Variants in TBCK observed in about 807,000 individuals in gnomAD.
TBCK encodes TBC domain-containing protein kinase-like protein.
In TBCK, 99 loss-of-function variants were observed where a neutral mutation model predicts 113.4. The observed-to-expected ratio is 0.87, with a 90% CI of 0.74 to 1.03. The LOEUF (loss-of-function observed/expected upper bound fraction) is 1.03. TBCK is among the 50% of genes least tolerant of loss of function. TBCK has a pLI of 0.00. For synonymous variants in TBCK, 369 were observed against 370.8 expected (o/e 1.00, Z 0.05); for missense variants, 1,045 against 1,061.3 (o/e 0.98, Z 0.21).
At chr4:106,171,547 T>A (rs1751016252) in intron 22 of TBCK, among the ~76,000 whole-genome samples, 1 of 152,126 alleles carries the variant, frequency 6.6e-6, no homozygotes, top group Non-Finnish European at 1.5e-5. Context: ...CATATACATA[T>A]GTATATATTT....
At chr4:106,158,338 T>C (rs189731503) in intron 23 of TBCK, among the ~76,000 whole-genome samples, 10 of 152,142 alleles carry the variant, frequency 6.6e-5, no homozygotes, top group Admixed American at 5.9e-4. Context: ...AGGTCAGGAG[T>C]TCGAGACCAG....
At chr4:106,278,891 A>G (rs981994658) in intron 3 of TBCK, among the ~76,000 whole-genome samples, 2 of 152,028 alleles carry the variant, frequency 1.3e-5, no homozygotes, top group South Asian at 2.1e-4. Context: ...AATATAGCTA[A>G]GAAGAAAAGA....
intron 23 of TBCK, among the ~76,000 whole-genome samples, chr4:106,126,415 T>C (rs1012794835): frequency 2.0e-5 from 3 of 152,170 alleles, no homozygotes; most frequent in Admixed American, 6.5e-5. Context: ...AGGAATAAAA[T>C]AGTATTTCCA....
intron 20 of TBCK, among the ~76,000 whole-genome samples, chr4:106,203,681 G>T (rs1245145335): frequency 1.3e-5 from 2 of 150,302 alleles, no homozygotes; most frequent in African/African-American, 4.9e-5. Context: ...TAATTTAATG[G>T]TTCTGAGATC....
rs1317207342 is a variant in TBCK, at chr4:106,103,853, A to G, written c.2412-8212T>C. 4.6e-5 allele frequency among the ~76,000 whole-genome samples: 7 copies of G among 152,210 alleles called. 1 individual carries two copies. The highest frequency in any genetic ancestry group is 2.0e-4 in the Admixed American group (3 of 15,288). On this transcript the variant is annotated intron_variant, in intron 24 of 25. Coordinates refer to ENST00000394708, the MANE Select transcript of TBCK (RefSeq NM_001163435.3). Reference sequence around the variant, plus strand: ...AAGGAAACAACTTGACCTTTAGAGAATGAAGAAAAGTAAGACAGGACAACG... The same window carrying G: ...AAGGAAACAACTTGACCTTTAGAGAGTGAAGAAAAGTAAGACAGGACAACG...
At chr4:106,305,037 G>A (rs1345801273) in intron 2 of TBCK, among the ~76,000 whole-genome samples, 1 of 152,054 alleles carries the variant, frequency 6.6e-6, no homozygotes, top group East Asian at 1.9e-4. Flanking sequence ...TGAAATCTGT[G>A]CCTATAGATT....
At chr4:106,141,668 T>C (rs1296402434) in intron 23 of TBCK, among the ~76,000 whole-genome samples, 1 of 140,612 alleles carries the variant, frequency 7.1e-6, no homozygotes, top group Non-Finnish European at 1.6e-5. Context: ...CTAAAATATC[T>C]AGTAATAACC....
intron 2 of TBCK, among the ~76,000 whole-genome samples, chr4:106,306,564 T>C (rs1767551639): frequency 6.6e-6 from 1 of 152,150 alleles, no homozygotes; most frequent in South Asian, 2.1e-4. Context: ...TTACTCATTT[T>C]TGTATATTTG....
At chr4:106,144,805 C>T (rs1042874758) in intron 23 of TBCK, among the ~76,000 whole-genome samples, 9 of 149,340 alleles carry the variant, frequency 6.0e-5, no homozygotes, top group Non-Finnish European at 1.2e-4. Flanking sequence ...AGGTGGATCA[C>T]CTGAGGTTGG....
chr4:106,144,937 C>T lies in TBCK; in HGVS notation c.2235+26158G>A, dbSNP rs559668773. On this transcript the variant is annotated intron_variant, in intron 23 of 25. Transcript: ENST00000394708. ...ACTCAGGTGGCTGAGGCAGGAAAAT[C>T]GCTTGAACTGGGAGGCGGAGGTTGC... Among the ~76,000 whole-genome samples the T allele has an allele frequency of 4.6e-5, 7 of 150,764 alleles. No individual in the cohort carries two copies. The South Asian group carries it at 1.3e-3, about 28-fold the overall frequency.
chr4:106,054,725 T>A (rs190248863), intron 25 of TBCK, among the ~76,000 whole-genome samples: 2 of 151,836 alleles, frequency 1.3e-5, no homozygotes, highest in Admixed American at 1.3e-4. Context: ...TTTCTGAGCA[T>A]CTACTGTGTG....
chr4:106,181,081 C>G (rs185612811), intron 22 of TBCK, among the ~76,000 whole-genome samples: 4 of 152,126 alleles, frequency 2.6e-5, no homozygotes, highest in Non-Finnish European at 4.4e-5. Context: ...GTGAGATGGT[C>G]TCATTGTGGT....
At chr4:106,120,666 C>T (rs535746417) in intron 23 of TBCK, among the ~76,000 whole-genome samples, 1 of 152,284 alleles carries the variant, frequency 6.6e-6, no homozygotes, top group African/African-American at 2.4e-5. Flanking sequence ...CCCCTGACCC[C>T]CGAGCAGCCT....
chr4:106,310,940 T>C (rs955074320), intron 1 of TBCK, among the ~76,000 whole-genome samples: 1 of 151,866 alleles, frequency 6.6e-6, no homozygotes, highest in African/African-American at 2.4e-5. Context: ...GAAAAACACA[T>C]TATACAAAAG....
chr4:106,100,558 GA>G (rs1389275715), intron 24 of TBCK, among the ~76,000 whole-genome samples: 1 of 151,526 alleles, frequency 6.6e-6, no homozygotes, highest in Non-Finnish European at 1.5e-5. Flanking sequence ...TTTATGACAG[GA>G]TATGAATGAA....
At chr4:106,242,765 A>G (rs2150033820) in intron 11 of TBCK, among the ~76,000 whole-genome samples, 196 bp from the exon 12 acceptor site, 1 of 151,994 alleles carries the variant, frequency 6.6e-6, no homozygotes, top group East Asian at 1.9e-4. Flanking sequence ...CACAATGTGC[A>G]GGTTAGTTAC....
intron 24 of TBCK, among the ~76,000 whole-genome samples, chr4:106,101,669 CA>C (rs904600585): frequency 2.0e-5 from 3 of 151,960 alleles, no homozygotes; most frequent in African/African-American, 7.3e-5. Flanking sequence ...TTTTAAAAAT[CA>C]AAAGGTAAGA....
intron 22 of TBCK, among the ~76,000 whole-genome samples, chr4:106,179,615 G>A (rs1012390910): frequency 1.3e-5 from 2 of 151,946 alleles, no homozygotes; most frequent in African/African-American, 2.4e-5. Flanking sequence ...AAATAAATTT[G>A]ATATAATTTT....
At chr4:106,230,051 G>T (rs979374296) in intron 19 of TBCK, among the ~76,000 whole-genome samples, 1 of 151,930 alleles carries the variant, frequency 6.6e-6, no homozygotes, top group Non-Finnish European at 1.5e-5. Flanking sequence ...CAATGGACTT[G>T]CCCATGGTGA....
Sources: allele counts gnomAD v4.1 joint callset (sites outside exome capture counted in the v4.1 genomes callset), GRCh38; gene constraint gnomAD v4.1.1; transcripts MANE v1.5; gene names NCBI Gene and HGNC (gene_info 2026-07-23, HGNC 2026-07-21).